ADIPOR2: variants seen among roughly 807,000 people sequenced by gnomAD.
ADIPOR2 encodes the protein adiponectin receptor protein 2.
A neutral mutation model predicts 40.9 loss-of-function variants in ADIPOR2; 18 were observed. That is an observed-to-expected ratio of 0.44 (90% CI 0.30 to 0.65). ADIPOR2 has a LOEUF of 0.65. Among genes scored for constraint, ADIPOR2 ranks in the 30% least tolerant of loss-of-function variants. The probability of loss-of-function intolerance (pLI) is 0.09; values close to 1 mark genes in which losing one functional copy is unlikely to be tolerated. For missense variants in ADIPOR2, 283 were observed against 479.2 expected (o/e 0.59, Z 3.82); for synonymous variants, 165 against 166.4 (o/e 0.99, Z 0.06).
intron 1 of ADIPOR2, among the ~76,000 whole-genome samples, chr12:1,732,642 C>G (rs2094722789): frequency 6.6e-6 from 1 of 152,178 alleles, no homozygotes; most frequent in Non-Finnish European, 1.5e-5. Context: ...TTTTTGTGTG[C>G]ACATAGGTTT....
intron 7 of ADIPOR2, 43 bp from the exon 8 acceptor site, chr12:1,785,901 G>A (rs1227587466): frequency 1.2e-6 from 2 of 1,607,950 alleles, no homozygotes; most frequent in Non-Finnish European, 1.7e-6. Flanking sequence ...TCTTAATAAT[G>A]TATGGGTTTC....
intron 1 of ADIPOR2, among the ~76,000 whole-genome samples, chr12:1,749,157 T>C (rs2094763516): frequency 6.6e-6 from 1 of 152,192 alleles, no homozygotes; most frequent in Non-Finnish European, 1.5e-5. Flanking sequence ...GGGCTACGTA[T>C]GGGGGAAGGG....
intron 3 of ADIPOR2, among the ~76,000 whole-genome samples, chr12:1,773,676 T>A (rs1862532230): frequency 6.6e-6 from 1 of 152,180 alleles, no homozygotes; most frequent in Non-Finnish European, 1.5e-5. Flanking sequence ...TCTGTGTGTA[T>A]ACGTATGTGT....
intron 1 of ADIPOR2, among the ~76,000 whole-genome samples, chr12:1,751,053 T>G (rs1271077301): frequency 6.6e-6 from 1 of 151,614 alleles, no homozygotes; most frequent in Non-Finnish European, 1.5e-5. Flanking sequence ...TGCATGCTAG[T>G]AGGAGTTCAT....
At chr12:1,747,032 C>T (rs2094756611) in intron 1 of ADIPOR2, among the ~76,000 whole-genome samples, 1 of 150,040 alleles carries the variant, frequency 6.7e-6, no homozygotes. Context: ...AAGACCTTGT[C>T]TCCCCCACTA....
At chr12:1,749,401 C>T (rs1407749306) in intron 1 of ADIPOR2, among the ~76,000 whole-genome samples, 3 of 152,204 alleles carry the variant, frequency 2.0e-5, no homozygotes, top group African/African-American at 4.8e-5. Context: ...AAGAGGCCTG[C>T]CTCTGAGGCC....
intron 1 of ADIPOR2, among the ~76,000 whole-genome samples, chr12:1,732,559 A>G (rs1477288640): frequency 6.6e-6 from 1 of 152,196 alleles, no homozygotes. Context: ...TCATTGACCT[A>G]TTAAAGACTA....
At chr12:1,768,282 C>T (rs964826556) in intron 2 of ADIPOR2, among the ~76,000 whole-genome samples, 1 of 152,112 alleles carries the variant, frequency 6.6e-6, no homozygotes, top group Non-Finnish European at 1.5e-5. Flanking sequence ...TTGCTACTTT[C>T]CTAAATGCCC....
Position 1,783,399 on chromosome 12 carries a change from C to CTTT in ADIPOR2, c.839-466_839-464dup, listed in dbSNP as rs35800138. Reference sequence around the variant, plus strand: ...AAGCCTCTCTTAGTGAGGCTCATTGCTTTTTTTTTTTTTTTTTGAGACGGA... The same window carrying CTTT: ...AAGCCTCTCTTAGTGAGGCTCATTGCTTTTTTTTTTTTTTTTTTTTGAGACGGA... On this transcript the variant is annotated intron_variant, in intron 6 of 7. Coordinates refer to ENST00000357103, the MANE Select transcript of ADIPOR2 (RefSeq NM_024551.3). 9.4e-4 allele frequency among the ~76,000 whole-genome samples: 125 copies of CTTT among 132,528 alleles called. 1 individual carries two copies. The highest frequency in any genetic ancestry group is 2.1e-3 in the Admixed American group (27 of 12,620). 86.9% of individuals were successfully genotyped at this position (132,528 alleles called of 152,430 possible). A position where few individuals can be genotyped will look rare whatever the true frequency, so the allele number is the denominator to read the frequency against.
At chr12:1,757,280 A>G (rs543367948) in intron 2 of ADIPOR2, 56 of 610,826 alleles carry the variant, frequency 9.2e-5, no homozygotes, top group African/African-American at 4.8e-4. Context: ...CTTTTCAGCA[A>G]TGGTGAGGCA....
At chr12:1,780,220 A>G (rs1862686860) in intron 4 of ADIPOR2, 1 of 389,034 alleles carries the variant, frequency 2.6e-6, no homozygotes, top group South Asian at 8.1e-5. Flanking sequence ...GCCCTTAGAT[A>G]AGTTTTTATA....
At chr12:1,758,354 T>C (rs1862192353) in intron 2 of ADIPOR2, among the ~76,000 whole-genome samples, 1 of 152,212 alleles carries the variant, frequency 6.6e-6, no homozygotes, top group South Asian at 2.1e-4. Context: ...TTTTAATAGA[T>C]TTTTCTATGA....
intron 1 of ADIPOR2, among the ~76,000 whole-genome samples, chr12:1,706,193 C>G (rs1397893845): frequency 1.0e-4 from 5 of 49,030 alleles, no homozygotes; most frequent in Non-Finnish European, 2.9e-4. Context: ...GGGAGATTAT[C>G]CAGAAAGTTT....
chr12:1,742,618 T>C (rs1004483655), intron 1 of ADIPOR2, among the ~76,000 whole-genome samples: 3 of 152,216 alleles, frequency 2.0e-5, no homozygotes, highest in Non-Finnish European at 1.5e-5. Flanking sequence ...TGATAGAGAA[T>C]GGCATAGCGT....
intron 1 of ADIPOR2, among the ~76,000 whole-genome samples, chr12:1,743,238 A>AAC (rs1439964103): frequency 7.6e-6 from 1 of 131,124 alleles, no homozygotes; most frequent in African/African-American, 2.6e-5. Flanking sequence ...CCAAAAAAAA[A>AAC]AAAAAAAACA....
At chr12:1,711,058 C>T (rs566436349) in intron 1 of ADIPOR2, among the ~76,000 whole-genome samples, 12 of 152,232 alleles carry the variant, frequency 7.9e-5, no homozygotes, top group Non-Finnish European at 1.2e-4. Flanking sequence ...CGCCAGGTGG[C>T]GTCTCATACT....
At position 1,764,898 on chromosome 12, in the gene ADIPOR2, ATTTC is replaced by A. The variant is rs1243459107; in HGVS notation, c.172-7940_172-7937del. Among the ~76,000 whole-genome samples, 8 of 152,110 alleles carry A rather than the reference ATTTC, an allele frequency of 5.3e-5. No homozygotes were observed. The East Asian group carries it at 9.7e-4, about 18-fold the overall frequency. On this transcript the variant is annotated intron_variant, in intron 2 of 7. Transcript: ENST00000357103. ...TTATTCATTTTTATTGGTCTGTGTT[ATTTC>A]TTTATATTACTGTACCAATTTTTAT...
At chr12:1,722,956 C>A (rs553262653) in intron 1 of ADIPOR2, among the ~76,000 whole-genome samples, 2 of 152,332 alleles carry the variant, frequency 1.3e-5, no homozygotes, top group East Asian at 3.9e-4. Context: ...CAAATCCAAT[C>A]TACCTTAGAG....
chr12:1,709,168 T>C (rs949120489), intron 1 of ADIPOR2, among the ~76,000 whole-genome samples: 51 of 152,338 alleles, frequency 3.3e-4, no homozygotes, highest in African/African-American at 1.2e-3. Flanking sequence ...CAGTTTGTGT[T>C]GTATTAAATA....
Sources: allele counts gnomAD v4.1 joint callset (sites outside exome capture counted in the v4.1 genomes callset), GRCh38; gene constraint gnomAD v4.1.1; transcripts MANE v1.5; gene names NCBI Gene and HGNC (gene_info 2026-07-23, HGNC 2026-07-21).